GCFC2: variants seen among roughly 807,000 people sequenced by gnomAD.
The protein encoded by GCFC2 is intron Large complex component GCFC2.
A neutral mutation model predicts 99.4 loss-of-function variants in GCFC2; 102 were observed. That is an observed-to-expected ratio of 1.03 (90% CI 0.87 to 1.21). The LOEUF is 1.21. Ranked by LOEUF, GCFC2 falls within the 50% of genes most tolerant of loss-of-function variation. The pLI is 0.00. For synonymous variants in GCFC2, 338 were observed against 316.8 expected, an observed-to-expected ratio of 1.07 and a Z score of -0.71; for missense variants, 973 against 920.9, an observed-to-expected ratio of 1.06 and a Z score of -0.73.
upstream of GCFC2, chr2:75,711,054 G>C (rs1681163892): frequency 2.3e-6 from 3 of 1,319,598 alleles, no homozygotes; most frequent in South Asian, 6.6e-5. Context: ...GTTCTGTTCT[G>C]GGGCCTGAGT....
chr2:75,710,462 T>A, intron 1 of GCFC2, 129 bp downstream of exon 1: 1 of 1,374,972 alleles, frequency 7.3e-7, no homozygotes, highest in African/African-American at 1.5e-5. Flanking sequence ...TAAGTCTTTC[T>A]GGATAAGACT....
rs1449576705 is a variant in GCFC2, at chr2:75,692,091, TG to T, written c.1029del (p.Asn343LysfsTer5). 1 of 1,480,290 alleles carries T rather than the reference TG, an allele frequency of 6.8e-7. No individual in the cohort carries two copies. 91.7% of individuals were successfully genotyped at this position (1,480,290 alleles called of 1,614,324 possible). ...TGCATGGATGATTCTATTTCTTGGA[TG>T]TTGATAATCTGAAATACACATATAA... Reference protein sequence around the residue: ...LIDCLNEKIINIQEIESSMHA... With the variant: ...LIDCLNEKIIXIQEIESSMHA... On this transcript the variant is annotated frameshift_variant, in exon 7 of 17. Transcript: ENST00000321027. LOFTEE classifies it high-confidence loss of function.
intron 2 of GCFC2, among the ~76,000 whole-genome samples, chr2:75,705,319 T>C (rs1223208599): frequency 6.6e-6 from 1 of 152,132 alleles, no homozygotes. Flanking sequence ...TGTTATTTAA[T>C]AGGCTAATAA....
At chr2:75,685,949 C>T (rs892098306) in intron 11 of GCFC2, among the ~76,000 whole-genome samples, 6 of 152,206 alleles carry the variant, frequency 3.9e-5, no homozygotes, top group Non-Finnish European at 7.3e-5. Flanking sequence ...TCAATGGACC[C>T]ATTCTTGATT....
At chr2:75,688,630 C>T (rs1012767097) in intron 10 of GCFC2, among the ~76,000 whole-genome samples, 2 of 152,142 alleles carry the variant, frequency 1.3e-5, no homozygotes, top group African/African-American at 4.8e-5. Flanking sequence ...ATAAACTCTT[C>T]AAAGGCTTGC....
In GCFC2 at chr2:75,663,702, T is replaced by A. The variant is rs28532717; in HGVS notation, c.*964A>T. The A allele has an allele frequency of 0.29, 43,317 of 151,670 alleles. 9,111 individuals are homozygous for A. Among genetic ancestry groups the A allele is most frequent in the African/African-American group, 0.6 (24,907 of 41,304 alleles). 9.4% of individuals were successfully genotyped at this position (151,670 alleles called of 1,614,324 possible). A position where few individuals can be genotyped will look rare whatever the true frequency, so the allele number is the denominator to read the frequency against. On this transcript the variant is annotated 3_prime_UTR_variant, in exon 17 of 17. Coordinates refer to ENST00000321027, the MANE Select transcript of GCFC2 (RefSeq NM_003203.5). ...CACGAAACCCCATCTCTACAAAAAA[T>A]TACAAAAATCAGCTGGGCATGGTGG...
intron 8 of GCFC2, 119 bp downstream of exon 8, chr2:75,690,519 T>C: frequency 1.5e-6 from 1 of 663,534 alleles, no homozygotes; most frequent in Non-Finnish European, 2.6e-6. Flanking sequence ...TCTATTATTC[T>C]TACAAATTAA....
intron 5 of GCFC2, among the ~76,000 whole-genome samples, chr2:75,695,397 T>C (rs1393630005): frequency 6.6e-6 from 1 of 152,156 alleles, no homozygotes; most frequent in African/African-American, 2.4e-5. Flanking sequence ...AATTATGATA[T>C]AACAACTATA....
At chr2:75,690,219 T>C in intron 8 of GCFC2, 138 bp from the exon 9 acceptor site, 1 of 612,146 alleles carries the variant, frequency 1.6e-6, no homozygotes, top group Non-Finnish European at 2.9e-6. Flanking sequence ...TATACTATCA[T>C]ATCAGCGCAC....
chr2:75,678,904 AG>A (rs541183787), intron 12 of GCFC2, among the ~76,000 whole-genome samples: 51 of 152,136 alleles, frequency 3.4e-4, no homozygotes, highest in Non-Finnish European at 6.0e-4. Context: ...TATGATGCCC[AG>A]GCTGGTCTTG....
chr2:75,699,093 A>AT (rs1342808024), intron 4 of GCFC2, among the ~76,000 whole-genome samples: 16 of 152,034 alleles, frequency 1.1e-4, no homozygotes, highest in Non-Finnish European at 1.8e-4. Flanking sequence ...GGATGCTATG[A>AT]TAAAAACAAG....
chr2:75,673,525 T>G lies in GCFC2; in HGVS notation c.1813-5A>C. On this transcript the variant is annotated splice_region_variant and splice_polypyrimidine_tract_variant and intron_variant, in intron 12 of 16. Transcript: ENST00000321027. ...AACAATGGATTTAAGTAAATCCTAT[T>G]ATTACAAATTTGAAAAGCATCAGTG... The G allele has an allele frequency of 8.6e-7, 1 of 1,160,286 alleles. No homozygotes were observed. The highest frequency in any genetic ancestry group is 1.3e-6 in the Non-Finnish European group (1 of 770,984). The allele number at this position is 1,160,286 out of a possible 1,614,324, so 71.9% of individuals were successfully genotyped here.
intron 11 of GCFC2, among the ~76,000 whole-genome samples, chr2:75,683,884 T>C (rs568086366): frequency 1.3e-5 from 2 of 151,966 alleles, no homozygotes; most frequent in South Asian, 4.2e-4. Context: ...AGAAGGGTAT[T>C]ACATAATGGT....
rs112955768 is a variant in GCFC2 at position 75,681,170 on chromosome 2, C to T, written c.1691-856G>A. Among the ~76,000 whole-genome samples the T allele has an allele frequency of 2.7e-3, 406 of 152,296 alleles. 4 individuals carry two copies. The highest frequency in any genetic ancestry group is 9.3e-3 in the African/African-American group (386 of 41,574). On this transcript the variant is annotated intron_variant, in intron 11 of 16. Transcript: ENST00000321027. ...GCCGAATAGGAACAGCTCCAGTCTA[C>T]AGCTCCCAGCGAGATGGACGTAGAA...
Position 75,696,264 on chromosome 2 carries a change from A to T in GCFC2, c.769T>A (p.Phe257Ile). The part of the protein sequence containing the change: ...CGNGSSKVKK[F>I]DTSISFPPVN... ...GGCGGAAATGAAATGGAAGTATCAA[A>T]TTTCTTCACTTTTGAAGATCCATTG... Residue 257 changes from phenylalanine (F) to isoleucine (I), a missense_variant, in exon 5 of 17, where the codon TTT (phenylalanine) becomes ATT (isoleucine). Coordinates refer to ENST00000321027, the MANE Select transcript of GCFC2 (RefSeq NM_003203.5). The T allele has an allele frequency of 6.6e-7, 1 of 1,523,080 alleles. No individual in the cohort carries two copies. 94.3% of individuals were successfully genotyped at this position (1,523,080 alleles called of 1,614,324 possible).
intron 2 of GCFC2, among the ~76,000 whole-genome samples, chr2:75,702,976 T>C (rs942768779): frequency 6.6e-6 from 1 of 152,164 alleles, no homozygotes; most frequent in African/African-American, 2.4e-5. Flanking sequence ...TGCGGTTCTG[T>C]AGTGAGCCCC....
At chr2:75,671,031 T>A (rs906757683) in intron 14 of GCFC2, among the ~76,000 whole-genome samples, 2 of 152,200 alleles carry the variant, frequency 1.3e-5, no homozygotes, top group African/African-American at 4.8e-5. Flanking sequence ...GTCACCTATA[T>A]CCTTCTAATT....
intron 15 of GCFC2, 136 bp downstream of exon 15, chr2:75,670,002 G>C (rs1679018783): frequency 1.8e-6 from 1 of 553,676 alleles, no homozygotes. Flanking sequence ...TGGGATTACA[G>C]GCATGAGCCA....
chr2:75,710,728 T>A lies in GCFC2; in HGVS notation c.128A>T (p.Glu43Val). The change falls in exon 1 of 17, where the codon GAA becomes GTA. Residue 43 changes from glutamate (E) to valine (V), a missense_variant. Transcript: ENST00000321027. ...RELPVPGSAE[E>V]EPPSGGGRAQ... The stretch of plus-strand genomic sequence containing the variant: ...GCGGCCTCCTCCAGAGGGCGGCTCT[T>A]CCTCCGCAGAACCCGGGACCGGAAG... 1 of 1,556,876 alleles carries A rather than the reference T, an allele frequency of 6.4e-7. No homozygotes were observed. The highest frequency in any genetic ancestry group is 8.7e-7 in the Non-Finnish European group (1 of 1,155,910).
Sources: gnomAD v4.1 joint callset for allele counts (sites outside exome capture counted in the v4.1 genomes callset) on GRCh38, gnomAD v4.1.1 for gene constraint, MANE v1.5 for transcripts, NCBI Gene and HGNC (gene_info 2026-07-23, HGNC 2026-07-21) for gene names.